Variants in KCNMA1 observed in about 807,000 individuals in gnomAD.
KCNMA1 encodes the protein Calcium-activated potassium channel subunit alpha-1.
Under a neutral mutation model 140.0 loss-of-function variants are expected in KCNMA1, and 29 were observed. That is an observed-to-expected ratio of 0.21 (90% CI 0.15 to 0.28). The LOEUF is 0.28. Among genes scored for constraint, KCNMA1 ranks in the 10% least tolerant of loss-of-function variants. KCNMA1 has a pLI of 1.00. For missense variants in KCNMA1, 880 were observed against 1,602.2 expected (o/e 0.55, Z 7.70); for synonymous variants, 612 against 611.9 (o/e 1.00, Z 0.00).
At chr10:77,468,211 T>G (rs2098075675) in intron 1 of KCNMA1, among the ~76,000 whole-genome samples, 1 of 152,156 alleles carries the variant, frequency 6.6e-6, no homozygotes, top group Non-Finnish European at 1.5e-5. Context: ...TTTCACCATG[T>G]GGGCCGGGCT....
chr10:77,528,351 G>A (rs2056520041), intron 1 of KCNMA1, among the ~76,000 whole-genome samples: 1 of 152,168 alleles, frequency 6.6e-6, no homozygotes. Flanking sequence ...GTTCATGCCT[G>A]TAATCCCAGT....
chr10:77,526,016 A>C (rs189830199), intron 1 of KCNMA1, among the ~76,000 whole-genome samples: 17 of 152,306 alleles, frequency 1.1e-4, no homozygotes, highest in South Asian at 4.1e-4. Context: ...GATTTTCTCT[A>C]TATATAAAGT....
At chr10:76,897,011 TACAC>T (rs3067677) in intron 25 of KCNMA1, among the ~76,000 whole-genome samples, 5,966 of 142,632 alleles carry the variant, frequency 0.042, 181 homozygotes, top group African/African-American at 0.08. Context: ...AGGTGAAAAT[TACAC>T]ACACACACAC....
At chr10:77,330,530 C>T (rs576345670) in intron 2 of KCNMA1, among the ~76,000 whole-genome samples, 3 of 152,338 alleles carry the variant, frequency 2.0e-5, no homozygotes, top group East Asian at 1.9e-4. Flanking sequence ...ATGACCCCTC[C>T]TTATCTGGAA....
chr10:77,443,603 G>A (rs1603620791), intron 1 of KCNMA1, among the ~76,000 whole-genome samples: 2 of 152,282 alleles, frequency 1.3e-5, no homozygotes, highest in East Asian at 3.9e-4. Flanking sequence ...AGAGGCCAGG[G>A]ATCAATTCCT....
At chr10:77,538,949 G>A (rs1406054461) in intron 1 of KCNMA1, among the ~76,000 whole-genome samples, 1 of 152,160 alleles carries the variant, frequency 6.6e-6, no homozygotes, top group African/African-American at 2.4e-5. Flanking sequence ...AGGAGGCTCC[G>A]TACATAGGTC....
chr10:77,539,619 G>A (rs570670998), intron 1 of KCNMA1, among the ~76,000 whole-genome samples: 1 of 152,270 alleles, frequency 6.6e-6, no homozygotes, highest in East Asian at 1.9e-4. Context: ...ATCAGAGATG[G>A]GCAACACAGA....
At chr10:77,177,671 G>A (rs755181206) in intron 5 of KCNMA1, among the ~76,000 whole-genome samples, 1 of 151,926 alleles carries the variant, frequency 6.6e-6, no homozygotes, top group Non-Finnish European at 1.5e-5. Context: ...ACACATACTA[G>A]GCTTCATTCT....
At chr10:77,185,653 C>G (rs191874352) in intron 3 of KCNMA1, among the ~76,000 whole-genome samples, 60 of 150,962 alleles carry the variant, frequency 4.0e-4, no homozygotes, top group African/African-American at 1.4e-3. Flanking sequence ...GTCGAGCAGC[C>G]AATGCAAACC....
At chr10:77,566,872 G>A (rs556908408) in intron 1 of KCNMA1, among the ~76,000 whole-genome samples, 47 of 151,704 alleles carry the variant, frequency 3.1e-4, no homozygotes, top group African/African-American at 9.0e-4. Context: ...AGAGAGAAAC[G>A]GAGAAAAAGC....
At chr10:77,112,711 T>C (rs569180233) in intron 6 of KCNMA1, among the ~76,000 whole-genome samples, 2 of 152,308 alleles carry the variant, frequency 1.3e-5, no homozygotes, top group Admixed American at 1.3e-4. Context: ...AAGAACAGTA[T>C]AATGAACACT....
chr10:77,439,269 C>T (rs2097343233), intron 1 of KCNMA1, among the ~76,000 whole-genome samples: 1 of 152,214 alleles, frequency 6.6e-6, no homozygotes, highest in Non-Finnish European at 1.5e-5. Context: ...TTAAATTTTA[C>T]TGTATTGCTC....
At chr10:77,012,685 A>G (rs1161327497) in intron 17 of KCNMA1, 2 of 738,030 alleles carry the variant, frequency 2.7e-6, no homozygotes, top group East Asian at 2.7e-5. Flanking sequence ...CCCTGAGAAC[A>G]TGCACTAAAT....
At chr10:77,484,004 A>T (rs2098433806) in intron 1 of KCNMA1, among the ~76,000 whole-genome samples, 1 of 152,212 alleles carries the variant, frequency 6.6e-6, no homozygotes, top group African/African-American at 2.4e-5. Context: ...TAGGAGGACC[A>T]GGGTGGGAGG....
chr10:77,182,123 C>T (rs2098807891), intron 5 of KCNMA1, among the ~76,000 whole-genome samples: 1 of 152,106 alleles, frequency 6.6e-6, no homozygotes, highest in Admixed American at 6.5e-5. Flanking sequence ...AATGTCTGCA[C>T]AAAAGAAAAT....
intron 5 of KCNMA1, among the ~76,000 whole-genome samples, chr10:77,143,639 A>G (rs1300410573): frequency 1.3e-5 from 2 of 152,340 alleles, no homozygotes; most frequent in East Asian, 1.9e-4. Context: ...TGAAGCCTCT[A>G]TAAACAAACA....
At chr10:76,945,864 G>C (rs2063796962) in intron 22 of KCNMA1, among the ~76,000 whole-genome samples, 1 of 151,998 alleles carries the variant, frequency 6.6e-6, no homozygotes, top group Middle Eastern at 3.4e-3. Flanking sequence ...AAATTTGGAA[G>C]GAAAGCACAG....
intron 2 of KCNMA1, among the ~76,000 whole-genome samples, chr10:77,318,421 G>A (rs1273455319): frequency 6.6e-6 from 1 of 152,200 alleles, no homozygotes; most frequent in African/African-American, 2.4e-5. Context: ...GCCATGGACT[G>A]TGCTTGTTAC....
intron 5 of KCNMA1, among the ~76,000 whole-genome samples, chr10:77,126,498 G>A (rs1818172755): frequency 6.6e-6 from 1 of 152,138 alleles, no homozygotes; most frequent in Non-Finnish European, 1.5e-5. Flanking sequence ...AAATACTAGG[G>A]TATCATATCC....
Sources: gnomAD v4.1 joint callset for allele counts (sites outside exome capture counted in the v4.1 genomes callset) on GRCh38, gnomAD v4.1.1 for gene constraint, MANE v1.5 for transcripts, NCBI Gene and HGNC (gene_info 2026-07-23, HGNC 2026-07-21) for gene names.